COL4A1: variants seen among roughly 807,000 people sequenced by gnomAD.
The protein encoded by COL4A1 is collagen type IV alpha 1 chain, also known as collagen alpha-1(IV) chain.
In COL4A1, 40 loss-of-function variants were observed where a neutral mutation model predicts 216.6. The ratio of observed to expected loss-of-function variants is 0.18; its 90% CI spans 0.14 to 0.24. The LOEUF (loss-of-function observed/expected upper bound fraction) is 0.24, where lower values mean the gene tolerates loss of function less well. Among genes scored for constraint, COL4A1 ranks in the 10% least tolerant of loss-of-function variants. The probability of loss-of-function intolerance (pLI) is 1.00; values close to 1 mark genes in which losing one functional copy is unlikely to be tolerated. For missense variants in COL4A1, 1,628 were observed against 2,196.8 expected, an observed-to-expected ratio of 0.74 and a Z score of 5.18; for synonymous variants, 839 against 810.7, an observed-to-expected ratio of 1.03 and a Z score of -0.59.
chr13:110,274,048 A>G (rs1425608713), intron 1 of COL4A1, among the ~76,000 whole-genome samples: 1 of 152,174 alleles, frequency 6.6e-6, no homozygotes, highest in Non-Finnish European at 1.5e-5. Context: ...TGTATTGTGC[A>G]TTTGCTTATT....
intron 33 of COL4A1, among the ~76,000 whole-genome samples, chr13:110,177,369 T>A (rs1454203994): frequency 6.6e-6 from 1 of 152,190 alleles, no homozygotes; most frequent in Non-Finnish European, 1.5e-5. Flanking sequence ...CTATACAAAA[T>A]AATAGAACAG....
intron 2 of COL4A1, among the ~76,000 whole-genome samples, chr13:110,234,457 C>G (rs992040315): frequency 1.3e-5 from 2 of 152,116 alleles, no homozygotes; most frequent in Non-Finnish European, 2.9e-5. Context: ...GGGTACACGC[C>G]TATAATCCCA....
At chr13:110,189,827 A>G (rs530941951) in intron 24 of COL4A1, among the ~76,000 whole-genome samples, 75 of 152,130 alleles carry the variant, frequency 4.9e-4, no homozygotes, top group African/African-American at 1.8e-3. Flanking sequence ...AGGACAGTCT[A>G]TTTGCAGAGC....
intron 2 of COL4A1, among the ~76,000 whole-genome samples, chr13:110,236,878 G>A (rs1881339088): frequency 6.6e-6 from 1 of 152,194 alleles, no homozygotes; most frequent in Non-Finnish European, 1.5e-5. Flanking sequence ...TTGATGGGCT[G>A]GGCACCCCTA....
At chr13:110,186,699 G>T (rs1422874911) in intron 25 of COL4A1, 146 bp from the exon 26 acceptor site, 4 of 1,005,730 alleles carry the variant, frequency 4.0e-6, no homozygotes, top group Non-Finnish European at 5.8e-6. Flanking sequence ...TCCCAGGAGG[G>T]CCACCTTGTA....
chr13:110,287,714 T>C (rs937168439), intron 1 of COL4A1, among the ~76,000 whole-genome samples: 1 of 152,126 alleles, frequency 6.6e-6, no homozygotes, highest in Middle Eastern at 3.2e-3. Flanking sequence ...AAGTTGAAAA[T>C]CACACACACT....
chr13:110,264,393 G>A (rs1882944876), intron 1 of COL4A1, among the ~76,000 whole-genome samples: 1 of 151,960 alleles, frequency 6.6e-6, no homozygotes, highest in South Asian at 2.1e-4. Context: ...ACTCAAACTT[G>A]GCAACCACCC....
intron 1 of COL4A1, among the ~76,000 whole-genome samples, chr13:110,276,618 G>A (rs904498511): frequency 3.3e-5 from 5 of 152,164 alleles, no homozygotes; most frequent in Non-Finnish European, 5.9e-5. Flanking sequence ...ACTCCATTAA[G>A]TATGTAAATG....
At chr13:110,189,435 C>T (rs1001263240) in intron 24 of COL4A1, among the ~76,000 whole-genome samples, 16 of 152,342 alleles carry the variant, frequency 1.1e-4, no homozygotes, top group African/African-American at 1.9e-4. Flanking sequence ...TGACGTAGCA[C>T]GCTCCTGTCA....
At chr13:110,227,550 C>T (rs903101271) in intron 2 of COL4A1, among the ~76,000 whole-genome samples, 1 of 152,076 alleles carries the variant, frequency 6.6e-6, no homozygotes, top group African/African-American at 2.4e-5. Flanking sequence ...CGCCCCCAGA[C>T]CTCCCACTCC....
chr13:110,192,895 C>G lies in COL4A1; in HGVS notation c.1400G>C (p.Cys467Ser). ...IGEKGQKGES[C>S]LICDIDGYRG... ...ATATCCGTCTATATCACAGATGAGG[C>G]AACTCTCTCCTTTTTGACCTAAAAA... is the stretch of plus-strand genomic sequence containing the variant. The change falls in exon 23 of 52, where the codon TGC becomes TCC. Residue 467 changes from cysteine to serine, a missense_variant. By Grantham distance (112) the Cys-to-Ser change is moderately radical (BLOSUM62 -1). Around this residue, in one of 8 missense-constraint regions of COL4A1, gnomAD observed 701 missense variants for 892.5 expected, o/e 0.79. Transcript: ENST00000375820. 1 of 1,614,174 alleles carries G rather than the reference C, an allele frequency of 6.2e-7. No individual in the cohort carries two copies. Among genetic ancestry groups the G allele is most frequent in the Non-Finnish European group, 8.5e-7 (1 of 1,180,004 alleles).
At chr13:110,265,084 G>C (rs1234519003) in intron 1 of COL4A1, among the ~76,000 whole-genome samples, 1 of 152,224 alleles carries the variant, frequency 6.6e-6, no homozygotes, top group Non-Finnish European at 1.5e-5. Context: ...TTGACTGCTA[G>C]AGACCTTCTC....
chr13:110,215,670 T>C (rs1880037655), intron 2 of COL4A1, among the ~76,000 whole-genome samples: 1 of 152,200 alleles, frequency 6.6e-6, no homozygotes, highest in African/African-American at 2.4e-5. Flanking sequence ...ATTGGGTAGA[T>C]TCAGTAACCA....
At chr13:110,245,354 C>G (rs1872854020) in intron 1 of COL4A1, among the ~76,000 whole-genome samples, 1 of 152,196 alleles carries the variant, frequency 6.6e-6, no homozygotes, top group African/African-American at 2.4e-5. Flanking sequence ...GTTCTTTAAA[C>G]TCTGCAGTGT....
chr13:110,216,936 G>A (rs995676951), intron 2 of COL4A1, among the ~76,000 whole-genome samples: 9 of 152,132 alleles, frequency 5.9e-5, no homozygotes, highest in Non-Finnish European at 1.3e-4. Context: ...TGCTTTTACC[G>A]CAAGAACACA....
rs540785897 is a variant in COL4A1, at chr13:110,262,099, G to A, written c.85-19365C>T. ...GTTTCTTCAACGCCACATTAGGGGAGGAATGGAAAGAGGACCAGTGTTTTT... is the reference window on the plus strand; with the variant it reads ...GTTTCTTCAACGCCACATTAGGGGAAGAATGGAAAGAGGACCAGTGTTTTT... On this transcript the variant is annotated intron_variant, in intron 1 of 51. Transcript: ENST00000375820. 8.9e-4 allele frequency among the ~76,000 whole-genome samples: 135 copies of A among 152,330 alleles called. 1 individual carries two copies. The highest frequency in any genetic ancestry group is 3.1e-3 in the African/African-American group (128 of 41,586).
intron 6 of COL4A1, 75 bp downstream of exon 6, chr13:110,212,342 C>T: frequency 6.4e-7 from 1 of 1,553,234 alleles, no homozygotes; most frequent in Non-Finnish European, 8.9e-7. Context: ...TTAACAGAAT[C>T]ACACTACCTG....
At chr13:110,218,541 G>A (rs1324872873) in intron 2 of COL4A1, among the ~76,000 whole-genome samples, 1 of 152,186 alleles carries the variant, frequency 6.6e-6, no homozygotes, top group African/African-American at 2.4e-5. Flanking sequence ...ATTCATTCAT[G>A]GTGTTTGAAT....
rs1566400487 is a variant in COL4A1 at position 110,235,396 on chromosome 13, A to T, written c.144+7279T>A. 2.6e-5 allele frequency among the ~76,000 whole-genome samples: 4 copies of T among 152,230 alleles called. No individual in the cohort carries two copies. The South Asian group carries it at 8.3e-4, about 31-fold the overall frequency. The stretch of plus-strand genomic sequence containing the variant: ...CCGGGCGCAGTGGCTCACGCCTGTA[A>T]TCCCAGCACTTTGGGAGGCTGAGGC... On this transcript the variant is annotated intron_variant, in intron 2 of 51. Coordinates refer to ENST00000375820, the MANE Select transcript of COL4A1 (RefSeq NM_001845.6).
Sources: allele counts gnomAD v4.1 joint callset (sites outside exome capture counted in the v4.1 genomes callset), GRCh38; gene constraint gnomAD v4.1.1; regional missense constraint gnomAD v4.1.1; transcripts MANE v1.5; gene names NCBI Gene and HGNC (gene_info 2026-07-23, HGNC 2026-07-21).